The following COL4A2 variants were observed in gnomAD, a reference collection of about 807,000 sequenced individuals.
COL4A2 encodes the protein collagen type IV alpha 2 chain.
A neutral mutation model predicts 200.2 loss-of-function variants in COL4A2; 99 were observed. The observed-to-expected ratio is 0.49, with a 90% CI of 0.42 to 0.58. The LOEUF is 0.58. Among genes scored for constraint, COL4A2 ranks in the 20% least tolerant of loss-of-function variants. The probability of loss-of-function intolerance (pLI) is 0.00; values close to 1 mark genes in which losing one functional copy is unlikely to be tolerated. For synonymous variants in COL4A2, 897 were observed against 900.6 expected, an observed-to-expected ratio of 1.00 and a Z score of 0.07; for missense variants, 1,950 against 2,314.1, an observed-to-expected ratio of 0.84 and a Z score of 3.23.
intron 16 of COL4A2, among the ~76,000 whole-genome samples, chr13:110,444,261 G>T (rs1328902818): frequency 6.6e-6 from 1 of 152,174 alleles, no homozygotes; most frequent in East Asian, 1.9e-4. Context: ...GTTTGCTGAG[G>T]ATGCCACAGC....
At position 110,457,422 on chromosome 13, in the gene COL4A2, A is replaced by C. The variant is rs1594082189; in HGVS notation, c.1419A>C (p.Pro473=). 1.3e-6 allele frequency: 2 copies of C among 1,597,922 alleles called. No individual in the cohort carries two copies. Among genetic ancestry groups the C allele is most frequent in the Admixed American group, 1.7e-5 (1 of 59,980 alleles). ...CCGGCTCCCCTGGAGCCCGCGGACC[A>C]AAGGGGTGGAAAGGTAAGAACATCT... ...GLPGSPGARG[P]KGWKGDAGEC... is the part of the protein sequence containing the mutation. Residue 473 remains proline (P), a synonymous_variant, in exon 21 of 48, where the codon CCA becomes CCC. Transcript: ENST00000360467.
rs750326918 is a variant in COL4A2, at chr13:110,307,880, G to A, written c.-24G>A. On this transcript the variant is annotated 5_prime_UTR_variant, in exon 2 of 48. Coordinates refer to ENST00000360467, the MANE Select transcript of COL4A2 (RefSeq NM_001846.4). The surrounding 1 kb of genome is among the most constrained non-coding windows in gnomAD (Gnocchi z 5.0). ...TCTAGGCTAAGTGGGACTGACCGGGGCCCAGAGTGGACGAACCGCCAGCAT... is the reference window on the plus strand; with the variant it reads ...TCTAGGCTAAGTGGGACTGACCGGGACCCAGAGTGGACGAACCGCCAGCAT... 25 of 1,609,598 alleles carry A rather than the reference G, an allele frequency of 1.6e-5. No individual in the cohort carries two copies. In the Admixed American group the frequency reaches 4.0e-4, roughly 26 times the overall value.
At position 110,307,984 on chromosome 13, in the gene COL4A2, G is replaced by C. The variant is rs1287715412; in HGVS notation, c.44+37G>C. On this transcript the variant is annotated intron_variant, in intron 2 of 47. Transcript: ENST00000360467. The surrounding 1 kb of genome is among the most constrained non-coding windows in gnomAD (Gnocchi z 5.0). Reference sequence around the variant, plus strand: ...TCTGCCTGGTCCCCGTGGGTCACGCGCGCATGGACCCTTCGGTGTAACTCT... The same window carrying C: ...TCTGCCTGGTCCCCGTGGGTCACGCCCGCATGGACCCTTCGGTGTAACTCT... 2.5e-6 allele frequency: 4 copies of C among 1,611,532 alleles called. No individual in the cohort carries two copies. The highest frequency in any genetic ancestry group is 3.4e-6 in the Non-Finnish European group (4 of 1,178,774).
At chr13:110,477,894 A>G in intron 29 of COL4A2, 109 bp from the exon 30 acceptor site, 11 of 1,148,466 alleles carry the variant, frequency 9.6e-6, no homozygotes, top group Non-Finnish European at 1.3e-5. Flanking sequence ...TCTAGAGTCC[A>G]GAAAAGCATG....
chr13:110,324,841 C>A (rs951422828), intron 3 of COL4A2, among the ~76,000 whole-genome samples: 6 of 152,220 alleles, frequency 3.9e-5, no homozygotes, highest in Non-Finnish European at 8.8e-5. Context: ...GTGAGGACCA[C>A]CCTACGCTTG....
Position 110,512,803 on chromosome 13 carries a change from C to T in COL4A2, c.*612C>T, listed in dbSNP as rs192790954. ...CATTCTTTTGCCACATCCCTATAGA[C>T]CACTGGGTTTGGCAAAACTCAGGCA... is the stretch of plus-strand genomic sequence containing the variant. On this transcript the variant is annotated 3_prime_UTR_variant, in exon 48 of 48. Transcript: ENST00000360467. The T allele has an allele frequency of 6.5e-6, 1 of 152,994 alleles. No homozygotes were observed. Among genetic ancestry groups the T allele is most frequent in the East Asian group, 1.9e-4 (1 of 5,196 alleles). 9.5% of individuals were successfully genotyped at this position (152,994 alleles called of 1,614,324 possible). A position where few individuals can be genotyped will look rare whatever the true frequency, so the allele number is the denominator to read the frequency against.
intron 4 of COL4A2, among the ~76,000 whole-genome samples, chr13:110,412,760 G>T (rs1879892725): frequency 6.6e-6 from 1 of 152,238 alleles, no homozygotes; most frequent in Non-Finnish European, 1.5e-5. Flanking sequence ...GGAGGAGGGA[G>T]TCCTGGCATT....
chr13:110,495,282 G>A, intron 39 of COL4A2, 60 bp from the exon 40 acceptor site: 1 of 1,610,248 alleles, frequency 6.2e-7, no homozygotes, highest in Non-Finnish European at 8.5e-7. Context: ...CTTTCACTTA[G>A]GAAAGTCAAC....
intron 4 of COL4A2, among the ~76,000 whole-genome samples, chr13:110,359,096 C>G (rs1877410386): frequency 1.3e-5 from 2 of 152,148 alleles, no homozygotes; most frequent in South Asian, 4.1e-4. Flanking sequence ...TGTATCATTG[C>G]TAACAATTCT....
chr13:110,462,222 C>T (rs746522177), intron 23 of COL4A2, 36 bp downstream of exon 23: 25 of 1,614,268 alleles, frequency 1.5e-5, no homozygotes, highest in East Asian at 8.9e-5. Context: ...CCCTGGGGCA[C>T]TGAGCCTTCC....
chr13:110,483,597 G>T (rs1883008706), intron 32 of COL4A2, among the ~76,000 whole-genome samples: 1 of 152,266 alleles, frequency 6.6e-6, no homozygotes, highest in Non-Finnish European at 1.5e-5. Context: ...GCGCGTGGGC[G>T]AGCCTTGAGA....
intron 3 of COL4A2, among the ~76,000 whole-genome samples, chr13:110,310,461 C>T (rs1163501978): frequency 1.2e-5 from 1 of 81,484 alleles, no homozygotes; most frequent in Non-Finnish European, 2.3e-5. Flanking sequence ...TAGATTCTAA[C>T]TCAACCAAAA....
chr13:110,315,108 C>G (rs186903523), intron 3 of COL4A2, among the ~76,000 whole-genome samples: 3 of 152,232 alleles, frequency 2.0e-5, no homozygotes, highest in African/African-American at 7.2e-5. Context: ...CTGCCCGGCC[C>G]CTGCCAGTTC....
Position 110,503,940 on chromosome 13 carries a change from G to C in COL4A2, c.4232G>C (p.Gly1411Ala). The C allele has an allele frequency of 6.4e-7, 1 of 1,573,316 alleles. No individual in the cohort carries two copies. The highest frequency in any genetic ancestry group is 8.7e-7 in the Non-Finnish European group (1 of 1,151,344). Residue 1411 changes from glycine to alanine, a missense_variant, in exon 44 of 48, where the codon GGC becomes GCC. By Grantham distance (60) the Gly-to-Ala change is moderately conservative. This residue lies in a region of COL4A2 where 1,385 missense variants were observed against 1,720.5 expected (regional missense o/e 0.80). Coordinates refer to ENST00000360467, the MANE Select transcript of COL4A2 (RefSeq NM_001846.4). ...PGTVGPQGRR[G>A]PPGAPGEMGP... ...ACAGTGGGTCCCCAGGGGAGGCGAG[G>C]CCCCCCTGGGGCACCGGGGGAGATG...
chr13:110,315,362 G>C (rs1165616746), intron 3 of COL4A2, among the ~76,000 whole-genome samples: 2 of 152,164 alleles, frequency 1.3e-5, no homozygotes, highest in African/African-American at 2.4e-5. Context: ...TGAAACATTT[G>C]TCTTCACCCA....
chr13:110,460,396 T>C (rs9515221), intron 22 of COL4A2, among the ~76,000 whole-genome samples: 87,719 of 152,080 alleles, frequency 0.58, 26,141 homozygotes, highest in Middle Eastern at 0.73. Context: ...ATGCGATCTC[T>C]GAATCATGGC....
At chr13:110,431,428 T>C (rs1880677387) in intron 10 of COL4A2, among the ~76,000 whole-genome samples, 1 of 152,314 alleles carries the variant, frequency 6.6e-6, no homozygotes, top group East Asian at 1.9e-4. Flanking sequence ...CTTCAGATTA[T>C]AATAAATGAC....
Position 110,318,288 on chromosome 13 carries a change from G to A in COL4A2, c.99+10165G>A, listed in dbSNP as rs1250583938. ...TCAGAGCAAGGACAAGCAAGGAACC[G>A]TGAAGTCTGATCAGTGTGTGTGTGC... On this transcript the variant is annotated intron_variant, in intron 3 of 47. Coordinates refer to ENST00000360467, the MANE Select transcript of COL4A2 (RefSeq NM_001846.4). Among the ~76,000 whole-genome samples the A allele has an allele frequency of 3.3e-5, 5 of 152,160 alleles. No individual in the cohort carries two copies. In the South Asian group the frequency reaches 6.2e-4, roughly 19 times the overall value.
intron 3 of COL4A2, among the ~76,000 whole-genome samples, chr13:110,311,602 G>C (rs1286830209): frequency 2.0e-5 from 3 of 152,198 alleles, no homozygotes; most frequent in Admixed American, 2.0e-4. Context: ...TGGAGGGTCT[G>C]GCACAGCCTG....
Sources: gnomAD v4.1 joint callset for allele counts (sites outside exome capture counted in the v4.1 genomes callset) on GRCh38, gnomAD v4.1.1 for gene constraint, gnomAD v4.1.1 regional missense constraint, Gnocchi (gnomAD v3.1) non-coding constraint, MANE v1.5 for transcripts, NCBI Gene and HGNC (gene_info 2026-07-23, HGNC 2026-07-21) for gene names.